FOXP1: variants seen among roughly 807,000 people sequenced by gnomAD.
FOXP1 encodes the protein forkhead box P1.
FOXP1 carries 15 observed loss-of-function variants against 98.2 expected under a neutral mutation model. The observed-to-expected ratio is 0.15, with a 90% confidence interval of 0.10 to 0.24. The LOEUF (loss-of-function observed/expected upper bound fraction) is 0.24, where lower values mean the gene tolerates loss of function less well. Ranked by LOEUF, FOXP1 falls within the 10% of genes least tolerant of loss-of-function variation. The pLI is 1.00. For synonymous variants in FOXP1, 371 were observed against 314.5 expected (o/e 1.18, Z -1.90); for missense variants, 633 against 848.5 (o/e 0.75, Z 3.15).
intron 5 of FOXP1, among the ~76,000 whole-genome samples, chr3:71,220,928 TTC>T (rs201526945): frequency 0.1 from 5,289 of 52,906 alleles, 112 homozygotes; most frequent in African/African-American, 0.17. Flanking sequence ...TCTTTTTTTT[TTC>T]TTTTAAAGAA....
Position 71,198,417 on chromosome 3 carries a change from G to A in FOXP1, c.-11-25C>T, listed in dbSNP as rs369338309. 9 of 788,602 alleles carry A rather than the reference G, an allele frequency of 1.1e-5. 1 individual carries two copies. The highest frequency in any genetic ancestry group is 8.3e-5 in the African/African-American group (5 of 60,258). The allele number at this position is 788,602 out of a possible 1,614,324, so 48.9% of individuals were successfully genotyped here. On this transcript the variant is annotated intron_variant, in intron 5 of 20. Transcript: ENST00000649528. ...CCTGATACAAGGATTTCCAAGATGGGGGGAGGGAGGGGGGGAGAAAAAAAA... is the reference window on the plus strand; with the variant it reads ...CCTGATACAAGGATTTCCAAGATGGAGGGAGGGAGGGGGGGAGAAAAAAAA...
chr3:71,464,213 T>C (rs1472341083), intron 3 of FOXP1, among the ~76,000 whole-genome samples: 1 of 151,922 alleles, frequency 6.6e-6, no homozygotes, highest in East Asian at 1.9e-4. Flanking sequence ...GAGACGGAGG[T>C]TGCAGTGAGC....
At chr3:71,074,357 G>C (rs1419421366) in intron 7 of FOXP1, among the ~76,000 whole-genome samples, 1 of 152,126 alleles carries the variant, frequency 6.6e-6, no homozygotes, top group Admixed American at 6.5e-5. Context: ...CTCCCCAGTA[G>C]CTGGGACTAC....
At chr3:71,212,902 T>C (rs1353566460) in intron 5 of FOXP1, among the ~76,000 whole-genome samples, 1 of 151,806 alleles carries the variant, frequency 6.6e-6, no homozygotes, top group Non-Finnish European at 1.5e-5. Context: ...AAATACAGTA[T>C]ATTTTTATGG....
intron 2 of FOXP1, among the ~76,000 whole-genome samples, chr3:71,517,192 T>C (rs542533289): frequency 1.6e-4 from 21 of 127,368 alleles, no homozygotes; most frequent in African/African-American, 5.2e-4. Context: ...AGGTGATCTA[T>C]CAAAAAAAAA....
chr3:71,100,269 C>T (rs2056836279), intron 7 of FOXP1, among the ~76,000 whole-genome samples: 1 of 152,194 alleles, frequency 6.6e-6, no homozygotes. Flanking sequence ...CACAACAAAA[C>T]CTCTTCGGTG....
chr3:71,451,102 C>A (rs1296658380), intron 3 of FOXP1, among the ~76,000 whole-genome samples: 1 of 152,198 alleles, frequency 6.6e-6, no homozygotes, highest in Non-Finnish European at 1.5e-5. Context: ...TCCCCCCAAG[C>A]AGTGCTTATA....
chr3:71,055,555 T>C (rs1287749323), intron 7 of FOXP1, among the ~76,000 whole-genome samples: 3 of 152,138 alleles, frequency 2.0e-5, no homozygotes, highest in Non-Finnish European at 2.9e-5. Flanking sequence ...TCACCAACGA[T>C]TGGAACAGTG....
chr3:71,281,410 T>C (rs1412896421), intron 5 of FOXP1, among the ~76,000 whole-genome samples: 3 of 152,186 alleles, frequency 2.0e-5, no homozygotes, highest in Admixed American at 1.3e-4. Flanking sequence ...CCCTCTGCTA[T>C]CTCAAAACAC....
chr3:71,327,512 C>A (rs368415311), intron 4 of FOXP1, among the ~76,000 whole-genome samples: 3 of 148,966 alleles, frequency 2.0e-5, no homozygotes, highest in African/African-American at 5.0e-5. Context: ...CTTAGCCTCC[C>A]GAGTAGCTGG....
chr3:71,514,771 T>C (rs2042442005), intron 2 of FOXP1, among the ~76,000 whole-genome samples: 1 of 152,194 alleles, frequency 6.6e-6, no homozygotes, highest in Non-Finnish European at 1.5e-5. Context: ...CCGACCCAGG[T>C]GAGCAGCTCA....
intron 7 of FOXP1, among the ~76,000 whole-genome samples, chr3:71,075,139 T>C (rs1559876952): frequency 1.3e-5 from 2 of 152,218 alleles, no homozygotes; most frequent in Non-Finnish European, 2.9e-5. Flanking sequence ...ATGGTGACTC[T>C]GGAGAGACAC....
At chr3:71,397,850 C>A (rs1308575287) in intron 3 of FOXP1, among the ~76,000 whole-genome samples, 1 of 152,182 alleles carries the variant, frequency 6.6e-6, no homozygotes, top group Non-Finnish European at 1.5e-5. Flanking sequence ...CCAAGCTGTA[C>A]AGACAGACCT....
intron 7 of FOXP1, among the ~76,000 whole-genome samples, chr3:71,085,702 T>TTTGGTTC (rs1428076882): frequency 3.4e-5 from 5 of 148,976 alleles, no homozygotes; most frequent in South Asian, 4.3e-4. Context: ...CAAGTTTTCA[T>TTTGGTTC]TTGGTTCTTG....
chr3:71,440,773 G>A (rs1052339121), intron 3 of FOXP1, among the ~76,000 whole-genome samples: 1 of 152,062 alleles, frequency 6.6e-6, no homozygotes, highest in Non-Finnish European at 1.5e-5. Context: ...GCTGAGGTGG[G>A]AGGATCACTT....
chr3:71,316,513 C>T (rs1030179395), intron 4 of FOXP1, among the ~76,000 whole-genome samples: 10 of 152,106 alleles, frequency 6.6e-5, no homozygotes, highest in East Asian at 3.9e-4. Context: ...ACGTGGGGCC[C>T]GGCAAGAGAC....
At chr3:71,026,216 T>G (rs1240826775) in intron 11 of FOXP1, among the ~76,000 whole-genome samples, 2 of 152,234 alleles carry the variant, frequency 1.3e-5, no homozygotes, top group African/African-American at 4.8e-5. Context: ...CAGATATCAT[T>G]TCTTAGAATG....
chr3:71,135,155 A>T (rs2059757785), intron 6 of FOXP1, among the ~76,000 whole-genome samples: 1 of 146,422 alleles, frequency 6.8e-6, no homozygotes, highest in Non-Finnish European at 1.5e-5. Context: ...GCTGCTCGGG[A>T]GGCTAAGGCA....
rs569347906 is a variant in FOXP1, at chr3:71,486,492, A to C, written c.-168+6934T>G. 5.3e-5 allele frequency among the ~76,000 whole-genome samples: 8 copies of C among 152,316 alleles called. No individual in the cohort carries two copies. The East Asian group carries it at 1.5e-3, about 29-fold the overall frequency. ...GGGCCTGCTGATTTTGTCACCCTTA[A>C]TCAAAGTCAACCGTATCATCCTATT... On this transcript the variant is annotated intron_variant, in intron 3 of 20. Coordinates refer to ENST00000649528, the MANE Select transcript of FOXP1 (RefSeq NM_001349338.3).
Sources: gnomAD v4.1 joint callset for allele counts (sites outside exome capture counted in the v4.1 genomes callset) on GRCh38, gnomAD v4.1.1 for gene constraint, MANE v1.5 for transcripts, NCBI Gene and HGNC (gene_info 2026-07-23, HGNC 2026-07-21) for gene names.